The following TCF7L2 variants were observed in gnomAD, a reference collection of about 807,000 sequenced individuals.
The protein encoded by TCF7L2 is transcription factor 7-like 2.
A neutral mutation model predicts 77.9 loss-of-function variants in TCF7L2; 23 were observed. The observed-to-expected ratio is 0.30, with a 90% CI of 0.21 to 0.42. TCF7L2 has a LOEUF of 0.42. Ranked by LOEUF, TCF7L2 falls within the 10% of genes least tolerant of loss-of-function variation. The pLI is 1.00. For synonymous variants in TCF7L2, 413 were observed against 340.2 expected (o/e 1.21, Z -2.36); for missense variants, 654 against 793.1 (o/e 0.82, Z 2.11).
chr10:112,961,875 G>A (rs1208111178), intron 3 of TCF7L2, among the ~76,000 whole-genome samples: 2 of 151,152 alleles, frequency 1.3e-5, no homozygotes, highest in Admixed American at 1.3e-4. Context: ...GTGTCTGTGG[G>A]CGCTCGCGTG....
intron 5 of TCF7L2, among the ~76,000 whole-genome samples, chr10:113,056,988 A>G (rs144597225): frequency 1.2e-3 from 182 of 152,330 alleles, no homozygotes; most frequent in Admixed American, 3.7e-3. Context: ...CTGAAATGCT[A>G]TCTGCTCTGT....
chr10:112,951,376 G>T, intron 2 of TCF7L2, 103 bp downstream of exon 2: 1 of 1,119,764 alleles, frequency 8.9e-7, no homozygotes, highest in African/African-American at 1.7e-5. Flanking sequence ...CCCTGCGCCG[G>T]CCCGGTCGGG....
chr10:113,101,842 C>A (rs1396450223), intron 5 of TCF7L2, among the ~76,000 whole-genome samples: 112 of 45,940 alleles, frequency 2.4e-3, no homozygotes, highest in African/African-American at 3.1e-3. Context: ...GACTCCGTCT[C>A]AAAAAAAAAA....
chr10:113,030,010 C>T (rs994495319), intron 4 of TCF7L2, among the ~76,000 whole-genome samples: 3 of 152,154 alleles, frequency 2.0e-5, no homozygotes, highest in Non-Finnish European at 2.9e-5. Flanking sequence ...ATTGTACAAA[C>T]ATACCAGTAT....
intron 5 of TCF7L2, among the ~76,000 whole-genome samples, chr10:113,116,933 G>A (rs906271752): frequency 4.6e-5 from 7 of 152,134 alleles, no homozygotes; most frequent in South Asian, 4.1e-4. Context: ...GAAGGAAAAC[G>A]CAGTATGAGT....
intron 5 of TCF7L2, among the ~76,000 whole-genome samples, chr10:113,127,866 CTTTTTT>C (rs34638595): frequency 1.8e-5 from 2 of 110,222 alleles, no homozygotes; most frequent in African/African-American, 3.4e-5. Context: ...TTGCTGCGTC[CTTTTTT>C]TTTTTTTTTT....
At chr10:113,009,306 G>A (rs985428707) in intron 4 of TCF7L2, among the ~76,000 whole-genome samples, 1 of 152,120 alleles carries the variant, frequency 6.6e-6, no homozygotes, top group African/African-American at 2.4e-5. Context: ...AGTTGGCCTG[G>A]AGCAGCCTTC....
chr10:113,015,601 T>C (rs568558694), intron 4 of TCF7L2, among the ~76,000 whole-genome samples: 4 of 152,260 alleles, frequency 2.6e-5, no homozygotes, highest in African/African-American at 9.6e-5. Context: ...CCCAGGTAAC[T>C]GGGACTATAT....
At chr10:113,126,730 CCGCG>C (rs1368862324) in intron 5 of TCF7L2, 1 of 985,798 alleles carries the variant, frequency 1.0e-6, no homozygotes, top group Non-Finnish European at 1.2e-6. Flanking sequence ...CTCCCCTGTG[CCGCG>C]GGTGCGCGGC....
intron 4 of TCF7L2, among the ~76,000 whole-genome samples, chr10:113,007,329 C>A (rs767058170): frequency 5.3e-5 from 8 of 152,200 alleles, no homozygotes; most frequent in Non-Finnish European, 2.9e-5. Context: ...AGCCTCCATC[C>A]CCTGCCCCCT....
At chr10:113,113,513 G>C (rs955948040) in intron 5 of TCF7L2, among the ~76,000 whole-genome samples, 1 of 152,096 alleles carries the variant, frequency 6.6e-6, no homozygotes, top group African/African-American at 2.4e-5. Context: ...TGAAAGGGGG[G>C]TTCTGTGTTG....
intron 5 of TCF7L2, among the ~76,000 whole-genome samples, chr10:113,094,946 C>A (rs1368762055): frequency 6.6e-6 from 1 of 152,146 alleles, no homozygotes; most frequent in Non-Finnish European, 1.5e-5. Flanking sequence ...TGGCAAAACA[C>A]TGTCTCTACT....
At chr10:113,004,346 C>T (rs137918888) in intron 4 of TCF7L2, among the ~76,000 whole-genome samples, 4 of 152,050 alleles carry the variant, frequency 2.6e-5, no homozygotes, top group African/African-American at 9.7e-5. Flanking sequence ...TTTAGGAAGC[C>T]GTGATGGAGC....
chr10:113,049,354 C>T (rs887481323), intron 5 of TCF7L2, among the ~76,000 whole-genome samples: 5 of 152,004 alleles, frequency 3.3e-5, no homozygotes, highest in Non-Finnish European at 7.4e-5. Flanking sequence ...TCAACAACAT[C>T]GACCCATTAC....
chr10:113,136,598 T>C (rs1233577340), intron 5 of TCF7L2, among the ~76,000 whole-genome samples: 1 of 152,192 alleles, frequency 6.6e-6, no homozygotes, highest in Admixed American at 6.5e-5. Context: ...GTTTTGAAGA[T>C]GTATTTAGGT....
chr10:112,952,661 G>T (rs967744724), intron 3 of TCF7L2, among the ~76,000 whole-genome samples: 1 of 152,154 alleles, frequency 6.6e-6, no homozygotes, highest in African/African-American at 2.4e-5. Context: ...CGGGGGCCGA[G>T]GGAGGCTGGG....
rs186101906 is a variant in TCF7L2, at chr10:112,985,465, T to C, written c.450+20841T>C. On this transcript the variant is annotated intron_variant, in intron 4 of 13. Coordinates refer to ENST00000627217, the MANE Select transcript of TCF7L2 (RefSeq NM_001146274.2). ...TATAAACACATACATTGATTTTCTT[T>C]CTTTTTTCTTGTATTACTACAAGGA... Among the ~76,000 whole-genome samples, 221 of 151,718 alleles carry C rather than the reference T, an allele frequency of 1.5e-3. 1 individual carries two copies. Among genetic ancestry groups the C allele is most frequent in the Admixed American group, 2.6e-3 (40 of 15,302 alleles).
chr10:113,016,326 C>T (rs904573710), intron 4 of TCF7L2, among the ~76,000 whole-genome samples: 6 of 152,092 alleles, frequency 3.9e-5, no homozygotes, highest in African/African-American at 7.2e-5. Flanking sequence ...CTCGGCCTCC[C>T]GAAGTGCTGG....
At chr10:113,082,174 C>T (rs1385634112) in intron 5 of TCF7L2, among the ~76,000 whole-genome samples, 2 of 146,378 alleles carry the variant, frequency 1.4e-5, no homozygotes, top group Non-Finnish European at 3.0e-5. Flanking sequence ...ATCTCAAGTT[C>T]AGATAATGTT....
Sources: allele counts gnomAD v4.1 joint callset (sites outside exome capture counted in the v4.1 genomes callset), GRCh38; gene constraint gnomAD v4.1.1; transcripts MANE v1.5; gene names NCBI Gene and HGNC (gene_info 2026-07-23, HGNC 2026-07-21).